SMARCAL1: variants seen among roughly 807,000 people sequenced by gnomAD.
SMARCAL1 encodes the protein SNF2 related chromatin remodeling annealing helicase 1, also known as ATP-driven annealing helicase.
Under a neutral mutation model 94.5 loss-of-function variants are expected in SMARCAL1, and 58 were observed. That is an observed-to-expected ratio of 0.61 (90% CI 0.50 to 0.76). SMARCAL1 has a LOEUF of 0.76. Ranked by LOEUF, SMARCAL1 falls within the 30% of genes least tolerant of loss-of-function variation. The probability of loss-of-function intolerance (pLI) is 0.00; values close to 1 mark genes in which losing one functional copy is unlikely to be tolerated. For synonymous variants in SMARCAL1, 422 were observed against 455.1 expected, an observed-to-expected ratio of 0.93 and a Z score of 0.93; for missense variants, 1,051 against 1,177.9, an observed-to-expected ratio of 0.89 and a Z score of 1.58.
Position 216,475,110 on chromosome 2 carries a change from T to A in SMARCAL1, c.2245-159T>A, listed in dbSNP as rs559122165. ...TACAATGGCACCTGAGTATAAGCAG[T>A]CATCTCAATACCAATGTCAATTTGA... On this transcript the variant is annotated intron_variant, in intron 14 of 17. Coordinates refer to ENST00000357276, the MANE Select transcript of SMARCAL1 (RefSeq NM_014140.4). This position sits in a 1 kb window ranked among gnomAD's most constrained non-coding sequence, Gnocchi z 4.4. Among the ~76,000 whole-genome samples the A allele has an allele frequency of 1.3e-5, 2 of 152,230 alleles. No individual in the cohort carries two copies. Among genetic ancestry groups the A allele is most frequent in the African/African-American group, 4.8e-5 (2 of 41,464 alleles).
intron 15 of SMARCAL1, 80 bp from the exon 16 acceptor site, chr2:216,477,029 G>T (rs1559138890): frequency 8.9e-7 from 1 of 1,128,666 alleles, no homozygotes; most frequent in Non-Finnish European, 1.3e-6. Context: ...TGGAAATGGG[G>T]TGGAGAGGAA....
chr2:216,481,036 G>A (rs187888301), intron 17 of SMARCAL1, among the ~76,000 whole-genome samples: 32 of 152,202 alleles, frequency 2.1e-4, no homozygotes, highest in Non-Finnish European at 4.6e-4. Flanking sequence ...CTAATGGGGG[G>A]AACAAACTTG....
intron 17 of SMARCAL1, among the ~76,000 whole-genome samples, chr2:216,479,821 C>T (rs376984892): frequency 3.7e-4 from 56 of 152,262 alleles, no homozygotes; most frequent in African/African-American, 1.2e-3. Context: ...CACACTGAGG[C>T]GGACAGATGA....
At chr2:216,463,415 G>A (rs555246913) in intron 12 of SMARCAL1, among the ~76,000 whole-genome samples, 25 of 152,192 alleles carry the variant, frequency 1.6e-4, no homozygotes, top group Admixed American at 7.8e-4. Context: ...CAAAGAGGGC[G>A]GAAGGAACAA....
In SMARCAL1 at chr2:216,471,332, C is replaced by G. The variant is rs570578237; in HGVS notation, c.2244+3286C>G. ...AATTACCTAAACACATGTATTTTTTCTGTGACACATACACAGTGATTAAAT... is the reference window on the plus strand; with the variant it reads ...AATTACCTAAACACATGTATTTTTTGTGTGACACATACACAGTGATTAAAT... On this transcript the variant is annotated intron_variant, in intron 14 of 17. Transcript: ENST00000357276. Among the ~76,000 whole-genome samples, 26 of 151,802 alleles carry G rather than the reference C, an allele frequency of 1.7e-4. No individual in the cohort carries two copies. In the South Asian group the frequency reaches 5.4e-3, roughly 32 times the overall value.
chr2:216,446,450 T>C (rs773537421), intron 10 of SMARCAL1, among the ~76,000 whole-genome samples: 3 of 152,216 alleles, frequency 2.0e-5, no homozygotes, highest in Admixed American at 1.3e-4. Flanking sequence ...TGGAGACATA[T>C]ACATTGGCAA....
intron 12 of SMARCAL1, among the ~76,000 whole-genome samples, chr2:216,462,460 C>T (rs772308194): frequency 4.6e-5 from 7 of 152,064 alleles, no homozygotes; most frequent in South Asian, 2.1e-4. Context: ...TCCTGGGGAC[C>T]GTTAGACGTC....
intron 11 of SMARCAL1, among the ~76,000 whole-genome samples, chr2:216,449,426 A>T (rs974757696): frequency 6.6e-5 from 10 of 151,582 alleles, no homozygotes; most frequent in African/African-American, 2.4e-4. Flanking sequence ...AGCTTCATGC[A>T]TTAAGAAACC....
chr2:216,416,392 T>A, intron 4 of SMARCAL1, 85 bp downstream of exon 4: 1 of 1,181,782 alleles, frequency 8.5e-7, no homozygotes, highest in African/African-American at 1.6e-5. Flanking sequence ...GCTTATGGAG[T>A]GCATGGCTTT....
Position 216,432,761 on chromosome 2 carries a change from A to C in SMARCAL1, c.1378A>C (p.Met460Leu). 6.2e-7 allele frequency: 1 copy of C among 1,614,124 alleles called. No homozygotes were observed. Among genetic ancestry groups the C allele is most frequent in the Non-Finnish European group, 8.5e-7 (1 of 1,180,024 alleles). The change falls in exon 8 of 18, where the codon ATG becomes CTG. Residue 460 changes from methionine (M) to leucine (L), a missense_variant. Physicochemically the swap from Met to Leu is conservative, Grantham distance 15. This residue lies in a region of SMARCAL1 where 642 missense variants were observed against 754.7 expected (regional missense o/e 0.85). Coordinates refer to ENST00000357276, the MANE Select transcript of SMARCAL1 (RefSeq NM_014140.4). ...AGGCCGCCTGCTGCTCGCTGACGAC[A>C]TGGGCCTGGGGAAGACCATCCAAGC... ...KGGRLLLADD[M>L]GLGKTIQAIC...
intron 2 of SMARCAL1, chr2:216,414,436 C>T (rs763165407): frequency 3.7e-5 from 16 of 428,130 alleles, no homozygotes; most frequent in Admixed American, 7.2e-5. Context: ...GGATTACACC[C>T]GACCTGCTTT....
intron 12 of SMARCAL1, among the ~76,000 whole-genome samples, chr2:216,461,283 AG>A (rs945894902): frequency 2.0e-5 from 3 of 152,110 alleles, no homozygotes; most frequent in Non-Finnish European, 4.4e-5. Context: ...TTAAAAAAAA[AG>A]AATCATCTTT....
At chr2:216,478,096 C>T in intron 16 of SMARCAL1, 107 bp from the exon 17 acceptor site, 1 of 935,356 alleles carries the variant, frequency 1.1e-6, no homozygotes, top group South Asian at 1.3e-5. Flanking sequence ...AGATGTGAAA[C>T]CGTAAACAAG....
At position 216,478,180 on chromosome 2, in the gene SMARCAL1, T is replaced by C. The variant is rs369219957; in HGVS notation, c.2529-23T>C. 130 of 1,599,996 alleles carry C rather than the reference T, an allele frequency of 8.1e-5. No homozygotes were observed. In the Middle Eastern group the frequency reaches 8.3e-4, roughly 10 times the overall value. ...GTGGTTCTGTGCAGGTTGTATTCAC[T>C]GCAGCTCATTTCTCCCCAACAGGCC... is the stretch of plus-strand genomic sequence containing the variant. On this transcript the variant is annotated intron_variant, in intron 16 of 17. Transcript: ENST00000357276.
chr2:216,451,092 G>T, intron 12 of SMARCAL1, 28 bp downstream of exon 12: 2 of 1,574,654 alleles, frequency 1.3e-6, no homozygotes, highest in South Asian at 2.2e-5. Flanking sequence ...GACAGATTTG[G>T]AAGCAGACAT....
intron 12 of SMARCAL1, among the ~76,000 whole-genome samples, chr2:216,463,961 G>A (rs1694768899): frequency 6.6e-6 from 1 of 152,198 alleles, no homozygotes; most frequent in South Asian, 2.1e-4. Flanking sequence ...AGAATCGCTT[G>A]AACCTGGGAG....
chr2:216,432,610 G>T (rs1693989047), intron 7 of SMARCAL1, 108 bp from the exon 8 acceptor site: 7 of 1,353,930 alleles, frequency 5.2e-6, no homozygotes, highest in Non-Finnish European at 7.3e-6. Context: ...GCTGGGCCCG[G>T]GCTGGCCAGT....
At chr2:216,444,795 G>A (rs1319575423) in intron 10 of SMARCAL1, among the ~76,000 whole-genome samples, 3 of 152,182 alleles carry the variant, frequency 2.0e-5, no homozygotes, top group Non-Finnish European at 4.4e-5. Flanking sequence ...GAGATTGCAG[G>A]CGTGAGCCAT....
intron 7 of SMARCAL1, among the ~76,000 whole-genome samples, chr2:216,430,985 T>C (rs1693949053): frequency 6.6e-6 from 1 of 152,152 alleles, no homozygotes; most frequent in Non-Finnish European, 1.5e-5. Context: ...TCTGGAGAGG[T>C]GAGGCAGCCC....
Sources: allele counts gnomAD v4.1 joint callset (sites outside exome capture counted in the v4.1 genomes callset), GRCh38; gene constraint gnomAD v4.1.1; regional missense constraint gnomAD v4.1.1; non-coding constraint Gnocchi (gnomAD v3.1); transcripts MANE v1.5; gene names NCBI Gene and HGNC (gene_info 2026-07-23, HGNC 2026-07-21).